Variants in HIVEP3 observed in about 807,000 individuals in gnomAD.
The protein encoded by HIVEP3 is transcription factor HIVEP3.
In HIVEP3, 49 loss-of-function variants were observed where a neutral mutation model predicts 152.8. The ratio of observed to expected loss-of-function variants is 0.32; its 90% CI spans 0.26 to 0.41. The LOEUF (loss-of-function observed/expected upper bound fraction) is 0.41, where lower values mean the gene tolerates loss of function less well. Ranked by LOEUF, HIVEP3 falls within the 10% of genes least tolerant of loss-of-function variation. The pLI, the probability that HIVEP3 is intolerant of heterozygous loss-of-function variation, is 1.00. For missense variants in HIVEP3, 2,790 were observed against 3,103.3 expected (o/e 0.90, Z 2.40); for synonymous variants, 1,269 against 1,289.0 (o/e 0.98, Z 0.33).
intron 1 of HIVEP3, among the ~76,000 whole-genome samples, chr1:41,858,097 A>T (rs769089709): frequency 6.6e-6 from 1 of 152,176 alleles, no homozygotes; most frequent in Non-Finnish European, 1.5e-5. Flanking sequence ...GAATAGTTTT[A>T]AAAATGATCA....
rs1645758106 is a variant in HIVEP3 at position 41,664,043 on chromosome 1, C to T, written c.-720-35096G>A. Among the ~76,000 whole-genome samples the T allele has an allele frequency of 6.6e-6, 1 of 152,224 alleles. No homozygotes were observed. The highest frequency in any genetic ancestry group is 1.5e-5 in the Non-Finnish European group (1 of 68,038). On this transcript the variant is annotated intron_variant, in intron 2 of 8. Coordinates refer to ENST00000372583, the MANE Select transcript of HIVEP3 (RefSeq NM_024503.5). This position sits in a 1 kb window ranked among gnomAD's most constrained non-coding sequence, Gnocchi z 4.4. Reference sequence around the variant, plus strand: ...ACCACCCCCAACACGCACCACTTTGCACCAGTTTCCACTTCTTGAGGTCTT... The same window carrying T: ...ACCACCCCCAACACGCACCACTTTGTACCAGTTTCCACTTCTTGAGGTCTT...
intron 5 of HIVEP3, among the ~76,000 whole-genome samples, chr1:41,561,354 G>A (rs943071391): frequency 2.0e-5 from 3 of 152,064 alleles, no homozygotes; most frequent in South Asian, 2.1e-4. Context: ...CCAGCTCCAC[G>A]GCTCACACCA....
intron 5 of HIVEP3, among the ~76,000 whole-genome samples, chr1:41,572,970 T>C (rs1644272747): frequency 6.6e-6 from 1 of 152,220 alleles, no homozygotes; most frequent in African/African-American, 2.4e-5. Flanking sequence ...CCCATGGAGC[T>C]AGGTGAGGCC....
chr1:41,815,410 G>A (rs1182145999), intron 1 of HIVEP3, among the ~76,000 whole-genome samples: 1 of 152,200 alleles, frequency 6.6e-6, no homozygotes, highest in Non-Finnish European at 1.5e-5. Flanking sequence ...GTTTGAGGCT[G>A]CAGTGAGCTA....
intron 6 of HIVEP3, among the ~76,000 whole-genome samples, chr1:41,521,118 C>T (rs964517028): frequency 6.6e-5 from 10 of 152,180 alleles, no homozygotes; most frequent in African/African-American, 2.4e-4. Context: ...GTTCCTCAAC[C>T]TTCTGAGCCC....
chr1:42,029,668 G>C (rs1285793230), intron 1 of HIVEP3, among the ~76,000 whole-genome samples: 3 of 152,138 alleles, frequency 2.0e-5, no homozygotes, highest in Non-Finnish European at 4.4e-5. Flanking sequence ...GAAGACCCAG[G>C]TCTTCACACC....
intron 1 of HIVEP3, among the ~76,000 whole-genome samples, chr1:42,000,739 C>T (rs1174550029): frequency 1.3e-5 from 2 of 152,166 alleles, no homozygotes; most frequent in Non-Finnish European, 2.9e-5. Context: ...ACCCTCCTGA[C>T]AAAGATTTTT....
In HIVEP3 at chr1:41,584,531, G is replaced by A. The variant is rs760881179; in HGVS notation, c.267C>T (p.Ser89=). 6.2e-6 allele frequency: 10 copies of A among 1,613,966 alleles called. No homozygotes were observed. Among genetic ancestry groups the A allele is most frequent in the African/African-American group, 2.7e-5 (2 of 74,880 alleles). ...GCTGCGGAAGCTGTGAGATGTGGAC[G>A]GATGCTTCGATGGGGGGCCTTTTGG... The part of the protein sequence containing the change: ...KPPKRPPIEA[S]VHISQLPQHP... The change falls in exon 4 of 9, where the codon TCC becomes TCT. Residue 89 remains serine, a synonymous_variant. Transcript: ENST00000372583. This position sits in a 1 kb window ranked among gnomAD's most constrained non-coding sequence, Gnocchi z 5.2.
chr1:41,751,487 C>G (rs1330185799), intron 1 of HIVEP3, among the ~76,000 whole-genome samples: 1 of 152,052 alleles, frequency 6.6e-6, no homozygotes, highest in Non-Finnish European at 1.5e-5. Flanking sequence ...TGCACCTTCC[C>G]CTTGAGCTCT....
In HIVEP3 at chr1:41,879,015, CCAGGTCAT is replaced by C. The variant is rs371121152; in HGVS notation, c.-801+39390_-801+39397del. On this transcript the variant is annotated intron_variant, in intron 1 of 8. Coordinates refer to ENST00000372583, the MANE Select transcript of HIVEP3 (RefSeq NM_024503.5). ...TTGCCCCATTTTTAGGTTTTACTTC[CCAGGTCAT>C]CCCAGATTTATAATCCATGCATAAT... Among the ~76,000 whole-genome samples the C allele has an allele frequency of 4.1e-3, 616 of 151,746 alleles. 6 individuals are homozygous for C. The highest frequency in any genetic ancestry group is 0.015 in the African/African-American group (601 of 41,416).
At chr1:41,771,536 T>C (rs1310132858) in intron 1 of HIVEP3, among the ~76,000 whole-genome samples, 4 of 152,272 alleles carry the variant, frequency 2.6e-5, no homozygotes. Flanking sequence ...TGTCTACCCC[T>C]CCTTGCTGGG....
chr1:41,909,490 G>A (rs927832523), intron 1 of HIVEP3, among the ~76,000 whole-genome samples: 1 of 152,036 alleles, frequency 6.6e-6, no homozygotes, highest in Admixed American at 6.6e-5. Flanking sequence ...AACACAAACT[G>A]ACAGACCATA....
chr1:41,605,535 A>C (rs1298111399), intron 3 of HIVEP3, among the ~76,000 whole-genome samples: 1 of 152,148 alleles, frequency 6.6e-6, no homozygotes, highest in Non-Finnish European at 1.5e-5. Flanking sequence ...TACAAAGCTT[A>C]TAGGGAAAGA....
intron 1 of HIVEP3, among the ~76,000 whole-genome samples, chr1:41,988,046 C>T (rs1223284029): frequency 1.3e-5 from 2 of 152,136 alleles, no homozygotes. Flanking sequence ...CGGAGCCAAA[C>T]CATATCAGAC....
At chr1:41,712,200 C>T (rs952215261) in intron 1 of HIVEP3, among the ~76,000 whole-genome samples, 9 of 152,236 alleles carry the variant, frequency 5.9e-5, no homozygotes, top group African/African-American at 1.7e-4. Context: ...GAGACAGATT[C>T]GACACATGCA....
At chr1:41,603,185 G>T (rs1468651559) in intron 3 of HIVEP3, among the ~76,000 whole-genome samples, 2 of 152,048 alleles carry the variant, frequency 1.3e-5, no homozygotes, top group Non-Finnish European at 2.9e-5. Flanking sequence ...TCCTGCCCCA[G>T]CCTCCTGAAT....
At chr1:41,518,304 C>G (rs1245785123) in intron 7 of HIVEP3, 98 bp downstream of exon 7, 1 of 1,001,990 alleles carries the variant, frequency 1.0e-6, no homozygotes, top group Non-Finnish European at 1.6e-6. Flanking sequence ...TGGGGCAAAG[C>G]AGACAGAAAG....
chr1:41,532,541 A>G (rs994500441), intron 5 of HIVEP3, among the ~76,000 whole-genome samples: 1 of 152,150 alleles, frequency 6.6e-6, no homozygotes, highest in Non-Finnish European at 1.5e-5. Flanking sequence ...GGCCATGGGA[A>G]TGGCCTGGAG....
At chr1:41,878,646 T>A in intron 1 of HIVEP3, among the ~76,000 whole-genome samples, 1 of 152,010 alleles carries the variant, frequency 6.6e-6, no homozygotes, top group Middle Eastern at 3.4e-3. Context: ...TGAATGTATG[T>A]ACAAAAGAAT....
Sources: allele counts gnomAD v4.1 joint callset (sites outside exome capture counted in the v4.1 genomes callset), GRCh38; gene constraint gnomAD v4.1.1; non-coding constraint Gnocchi (gnomAD v3.1); transcripts MANE v1.5; gene names NCBI Gene and HGNC (gene_info 2026-07-23, HGNC 2026-07-21).